Variants in FYB2 observed in about 807,000 individuals in gnomAD.
The protein encoded by FYB2 is FYN binding protein 2.
FYB2 carries 103 observed loss-of-function variants against 94.1 expected under a neutral mutation model. The ratio of observed to expected loss-of-function variants is 1.09; its 90% CI spans 0.93 to 1.29. The LOEUF (loss-of-function observed/expected upper bound fraction) is 1.29, where lower values mean the gene tolerates loss of function less well. FYB2 is among the 50% of genes most tolerant of loss of function. The pLI is 0.00. For missense variants in FYB2, 896 were observed against 841.5 expected (o/e 1.06, Z -0.80); for synonymous variants, 293 against 287.9 (o/e 1.02, Z -0.18).
chr1:56,795,369 C>T (rs1646372094), intron 1 of FYB2, among the ~76,000 whole-genome samples: 1 of 152,034 alleles, frequency 6.6e-6, no homozygotes, highest in Non-Finnish European at 1.5e-5. Flanking sequence ...TCCTGTTTAT[C>T]CATTCATCCG....
At chr1:56,739,445 G>A (rs976281039) in intron 13 of FYB2, among the ~76,000 whole-genome samples, 1 of 151,914 alleles carries the variant, frequency 6.6e-6, no homozygotes, top group Admixed American at 6.6e-5. Flanking sequence ...ATTGACAGTT[G>A]AACTTAAAGC....
chr1:56,738,343 G>A (rs1337106211), intron 14 of FYB2, among the ~76,000 whole-genome samples: 1 of 152,014 alleles, frequency 6.6e-6, no homozygotes, highest in African/African-American at 2.4e-5. Flanking sequence ...ACTTAAATAT[G>A]GTCCTACAGC....
chr1:56,804,260 A>G (rs769279839), intron 1 of FYB2, among the ~76,000 whole-genome samples: 3 of 152,220 alleles, frequency 2.0e-5, no homozygotes, highest in Non-Finnish European at 2.9e-5. Context: ...TGGAGCCTAC[A>G]GTTTCAAGCA....
chr1:56,790,097 C>T (rs1204301616), intron 2 of FYB2, among the ~76,000 whole-genome samples: 1 of 152,134 alleles, frequency 6.6e-6, no homozygotes, highest in Non-Finnish European at 1.5e-5. Context: ...GTGAAAATAG[C>T]ACAAAATCTT....
intron 4 of FYB2, among the ~76,000 whole-genome samples, chr1:56,780,838 A>C (rs1031814502): frequency 7.2e-5 from 11 of 152,208 alleles, no homozygotes; most frequent in African/African-American, 2.7e-4. Context: ...AGTCCAATTA[A>C]AAAGGGATAA....
intron 16 of FYB2, among the ~76,000 whole-genome samples, chr1:56,725,904 A>G (rs536595125): frequency 6.6e-6 from 1 of 152,194 alleles, no homozygotes; most frequent in Admixed American, 6.6e-5. Flanking sequence ...ATCCTGCCCC[A>G]TGTCCTAGCA....
chr1:56,794,949 C>T (rs1646360730), intron 1 of FYB2, among the ~76,000 whole-genome samples: 1 of 151,902 alleles, frequency 6.6e-6, no homozygotes, highest in Non-Finnish European at 1.5e-5. Flanking sequence ...ACATACACAC[C>T]TCAGTGATAA....
intron 1 of FYB2, among the ~76,000 whole-genome samples, chr1:56,812,717 C>T (rs543111304): frequency 4.6e-5 from 7 of 152,230 alleles, no homozygotes; most frequent in East Asian, 1.9e-4. Context: ...CATTTCTGTC[C>T]GTTTTCCATG....
intron 4 of FYB2, among the ~76,000 whole-genome samples, chr1:56,774,394 C>T (rs1295346770): frequency 6.6e-6 from 1 of 152,076 alleles, no homozygotes; most frequent in Non-Finnish European, 1.5e-5. Flanking sequence ...CTTCTGCTTC[C>T]ACTAGTACTA....
intron 1 of FYB2, among the ~76,000 whole-genome samples, chr1:56,802,280 T>A (rs890953876): frequency 6.6e-6 from 1 of 152,236 alleles, no homozygotes; most frequent in African/African-American, 2.4e-5. Flanking sequence ...ATACAAGGAC[T>A]ATGCCTTTCC....
intron 5 of FYB2, among the ~76,000 whole-genome samples, chr1:56,760,006 G>A (rs1447222749): frequency 1.3e-5 from 2 of 151,032 alleles, no homozygotes; most frequent in African/African-American, 4.9e-5. Flanking sequence ...TTTAACCAGG[G>A]AGGCAGAGGA....
chr1:56,742,128 T>C (rs779180806), intron 12 of FYB2, 33 bp downstream of exon 12: 12 of 1,572,624 alleles, frequency 7.6e-6, no homozygotes, highest in South Asian at 1.1e-5. Context: ...AGGAAGTCAT[T>C]AGCCTACAAA....
intron 11 of FYB2, among the ~76,000 whole-genome samples, chr1:56,742,848 G>A (rs1391988874): frequency 6.6e-6 from 1 of 151,928 alleles, no homozygotes; most frequent in Non-Finnish European, 1.5e-5. Flanking sequence ...GATATTTAAG[G>A]TTGTTTTTCC....
intron 4 of FYB2, 27 bp from the exon 5 acceptor site, chr1:56,767,965 G>T: frequency 6.8e-7 from 1 of 1,476,414 alleles, no homozygotes; most frequent in Non-Finnish European, 9.3e-7. Flanking sequence ...TACTTAAAAT[G>T]TAACATTTTT....
upstream of FYB2, among the ~76,000 whole-genome samples, chr1:56,821,813 T>G (rs1315380471): frequency 6.6e-6 from 1 of 152,192 alleles, no homozygotes; most frequent in Non-Finnish European, 1.5e-5. Flanking sequence ...TCATTTGCTA[T>G]AAGGAGAACT....
intron 15 of FYB2, among the ~76,000 whole-genome samples, chr1:56,734,108 G>T (rs542763359): frequency 2.0e-5 from 3 of 152,234 alleles, no homozygotes; most frequent in East Asian, 3.9e-4. Context: ...TGTATTGGGT[G>T]CATATATATT....
At chr1:56,739,563 C>T (rs1229589423) in intron 13 of FYB2, among the ~76,000 whole-genome samples, 2 of 152,032 alleles carry the variant, frequency 1.3e-5, no homozygotes, top group Non-Finnish European at 2.9e-5. Context: ...CATCTTCTGC[C>T]CTCACAAAAT....
At chr1:56,787,239 G>A (rs529609949) in intron 3 of FYB2, 31 bp from the exon 4 acceptor site, 2 of 1,613,332 alleles carry the variant, frequency 1.2e-6, no homozygotes, top group South Asian at 1.1e-5. Flanking sequence ...ATGAAAAAGA[G>A]GCATTTGCAG....
At chr1:56,819,204 A>G (rs1570277168) in intron 1 of FYB2, 78 bp downstream of exon 1, 5 of 1,574,584 alleles carry the variant, frequency 3.2e-6, no homozygotes, top group Non-Finnish European at 2.6e-6. Flanking sequence ...GTTTTTCCCC[A>G]GGGCTCTCAA....
Sources: gnomAD v4.1 joint callset for allele counts (sites outside exome capture counted in the v4.1 genomes callset) on GRCh38, gnomAD v4.1.1 for gene constraint, MANE v1.5 for transcripts, NCBI Gene and HGNC (gene_info 2026-07-23, HGNC 2026-07-21) for gene names.